Variants in TMEM52B observed in about 807,000 individuals in gnomAD.
The protein encoded by TMEM52B is chromosome 12 open reading frame 59.
In TMEM52B, 11 loss-of-function variants were observed where a neutral mutation model predicts 16.1. That is an observed-to-expected ratio of 0.68 (90% CI 0.43 to 1.13). The LOEUF is 1.13. TMEM52B is among the 50% of genes most tolerant of loss of function. The pLI is 0.00. For synonymous variants in TMEM52B, 101 were observed against 93.8 expected (o/e 1.08, Z -0.45); for missense variants, 243 against 230.4 (o/e 1.05, Z -0.35).
chr12:10,171,346 G>A (rs1000114217), intron 1 of TMEM52B, among the ~76,000 whole-genome samples: 3 of 152,100 alleles, frequency 2.0e-5, no homozygotes, highest in Non-Finnish European at 4.4e-5. Context: ...ATTGTCTGTG[G>A]AATTGGGATT....
upstream of TMEM52B, among the ~76,000 whole-genome samples, chr12:10,178,191 G>C (rs915475163): frequency 2.0e-5 from 3 of 149,866 alleles, no homozygotes; most frequent in South Asian, 4.6e-4. Flanking sequence ...CATGGCACCC[G>C]GCCACATTTG....
chr12:10,176,711 G>T (rs1249058993), upstream of TMEM52B, among the ~76,000 whole-genome samples: 3 of 151,990 alleles, frequency 2.0e-5, no homozygotes, highest in African/African-American at 7.2e-5. Flanking sequence ...AAAATATCAG[G>T]ACTGTTATAT....
intron 1 of TMEM52B, among the ~76,000 whole-genome samples, chr12:10,179,895 C>T (rs932303074): frequency 2.6e-5 from 4 of 152,110 alleles, no homozygotes; most frequent in African/African-American, 4.8e-5. Context: ...TTAGAAGTGC[C>T]GCTGAAGTAT....
chr12:10,181,145 C>G (rs1948817807), intron 1 of TMEM52B, among the ~76,000 whole-genome samples: 1 of 152,008 alleles, frequency 6.6e-6, no homozygotes, highest in Non-Finnish European at 1.5e-5. Context: ...ACTAAAAAAT[C>G]AGGTAGAAGA....
In TMEM52B at chr12:10,190,371, T is replaced by G; in HGVS notation, c.*231T>G. 10 of 506,540 alleles carry G rather than the reference T, an allele frequency of 2.0e-5. No individual in the cohort carries two copies. Among genetic ancestry groups the G allele is most frequent in the East Asian group, 1.5e-4 (4 of 27,136 alleles). 31.4% of individuals were successfully genotyped at this position (506,540 alleles called of 1,614,324 possible). A position where few individuals can be genotyped will look rare whatever the true frequency, so the allele number is the denominator to read the frequency against. ...ATGGCCAAAATCTGCAAGTAATCTC[T>G]AGCCACACTGATTACTACTAAACCA... On this transcript the variant is annotated 3_prime_UTR_variant, in exon 5 of 5. Coordinates refer to ENST00000543484, the MANE Select transcript of TMEM52B (RefSeq NM_001384896.1).
intron 1 of TMEM52B, chr12:10,172,255 A>G (rs1056788334): frequency 1.1e-5 from 6 of 556,840 alleles, no homozygotes; most frequent in Non-Finnish European, 1.6e-5. Context: ...GCTGACGCAA[A>G]TTCTTGAGTT....
intron 2 of TMEM52B, 69 bp downstream of exon 2, chr12:10,182,662 A>C: frequency 4.8e-6 from 7 of 1,458,198 alleles, no homozygotes; most frequent in Non-Finnish European, 5.5e-6. Context: ...AAAGAGAGTC[A>C]AGATGTCATT....
chr12:10,184,171 T>C (rs1479230231), intron 2 of TMEM52B, among the ~76,000 whole-genome samples: 1 of 152,172 alleles, frequency 6.6e-6, no homozygotes, highest in African/African-American at 2.4e-5. Flanking sequence ...GAACAGGCAG[T>C]GGTTTCTGAA....
intron 3 of TMEM52B, 64 bp downstream of exon 3, chr12:10,185,432 C>G (rs1948868736): frequency 1.6e-6 from 2 of 1,214,518 alleles, no homozygotes; most frequent in East Asian, 2.3e-5. Flanking sequence ...AAATGACAAC[C>G]TGCCTACTTA....
At chr12:10,188,320 G>A (rs974468320) in intron 4 of TMEM52B, among the ~76,000 whole-genome samples, 18 of 151,614 alleles carry the variant, frequency 1.2e-4, no homozygotes, top group African/African-American at 2.4e-4. Context: ...TTAGCTGGGC[G>A]TGGTGGCACG....
At chr12:10,189,651 G>A (rs1310900633) in intron 4 of TMEM52B, among the ~76,000 whole-genome samples, 1 of 150,348 alleles carries the variant, frequency 6.7e-6, no homozygotes, top group African/African-American at 2.5e-5. Context: ...AAGAGAGAGA[G>A]AGAGATACAG....
chr12:10,178,211 C>T (rs978821186), upstream of TMEM52B, among the ~76,000 whole-genome samples: 4 of 149,794 alleles, frequency 2.7e-5, no homozygotes, highest in Admixed American at 6.6e-5. Context: ...GTGTCTATAG[C>T]TTTGTTTCAT....
intron 1 of TMEM52B, among the ~76,000 whole-genome samples, chr12:10,171,584 C>T (rs550496511): frequency 1.3e-5 from 2 of 152,234 alleles, no homozygotes; most frequent in African/African-American, 4.8e-5. Context: ...CCGAGCCCTC[C>T]GATGTATAGA....
rs2291481 is a variant in TMEM52B at position 10,179,598 on chromosome 12, G to T, written c.24G>T (p.Val8=). MGVRVHV[V]AASALLYFIL... is the part of the protein sequence containing the mutation. ...CGATGGGAGTCCGAGTTCATGTCGT[G>T]GCGGCCTCAGCCCTGCTGTATTTCA... is the stretch of plus-strand genomic sequence containing the variant. The change falls in exon 1 of 5, where the codon GTG becomes GTT. Residue 8 remains valine (V), a synonymous_variant. Transcript: ENST00000543484. 1.3e-3 allele frequency: 2,039 copies of T among 1,614,202 alleles called. 45 individuals carry two copies. In the East Asian group the frequency reaches 0.037, roughly 29 times the overall value.
At position 10,190,313 on chromosome 12, in the gene TMEM52B, A is replaced by G. The variant is rs1353456650; in HGVS notation, c.*173A>G. 1.4e-5 allele frequency: 12 copies of G among 863,062 alleles called. No homozygotes were observed. Among genetic ancestry groups the G allele is most frequent in the Non-Finnish European group, 1.7e-5 (10 of 580,252 alleles). The allele number at this position is 863,062 out of a possible 1,614,324, so 53.5% of individuals were successfully genotyped here. On this transcript the variant is annotated 3_prime_UTR_variant, in exon 5 of 5. Transcript: ENST00000543484. ...AGGCCTTTATATCTTCCGATACAGAATGCTCTAATTGGGAACTCTAATTTT... is the reference window on the plus strand; with the variant it reads ...AGGCCTTTATATCTTCCGATACAGAGTGCTCTAATTGGGAACTCTAATTTT...
chr12:10,190,074 A>G lies in TMEM52B; in HGVS notation c.486A>G (p.Val162=). 6.2e-7 allele frequency: 1 copy of G among 1,614,176 alleles called. No individual in the cohort carries two copies. The highest frequency in any genetic ancestry group is 8.5e-7 in the Non-Finnish European group (1 of 1,180,030). Reference sequence around the variant, plus strand: ...AGAAAGCACCTGATCTACCCCCAGTACCTGAAGAAAAGCAGCTGCCTCCAA... The same window carrying G: ...AGAAAGCACCTGATCTACCCCCAGTGCCTGAAGAAAAGCAGCTGCCTCCAA... ...CGQKAPDLPP[V]PEEKQLPPTE... The change falls in exon 5 of 5, where the codon GTA becomes GTG. Residue 162 remains valine, a synonymous_variant. Transcript: ENST00000543484.
In TMEM52B at chr12:10,191,793, A is replaced by C. The variant is rs1305479542; in HGVS notation, c.*1653A>C. 1 of 152,204 alleles carries C rather than the reference A, an allele frequency of 6.6e-6. No individual in the cohort carries two copies. Among genetic ancestry groups the C allele is most frequent in the African/African-American group, 2.4e-5 (1 of 41,448 alleles). 9.4% of individuals were successfully genotyped at this position (152,204 alleles called of 1,614,324 possible). On this transcript the variant is annotated 3_prime_UTR_variant, in exon 5 of 5. Transcript: ENST00000543484. Reference sequence around the variant, plus strand: ...CAATAAATACTTGTTGATTGCGGTAAACAGCAACAGATATAAGTGATTCCT... The same window carrying C: ...CAATAAATACTTGTTGATTGCGGTACACAGCAACAGATATAAGTGATTCCT...
chr12:10,186,387 C>T (rs779144886), intron 3 of TMEM52B, 33 bp from the exon 4 acceptor site: 1 of 1,559,580 alleles, frequency 6.4e-7, no homozygotes, highest in Admixed American at 1.8e-5. Context: ...AGCCAGATCC[C>T]AGAGCTCCCA....
rs945086839 is a variant in TMEM52B, at chr12:10,179,367, A to G, written c.-208A>G. ...AGTAATAAGAATAAAGAAGAAAAAC[A>G]GGAAAGAAGAGGGAAAAGCCATAGA... On this transcript the variant is annotated 5_prime_UTR_variant, in exon 1 of 5. Coordinates refer to ENST00000543484, the MANE Select transcript of TMEM52B (RefSeq NM_001384896.1). 6 of 570,316 alleles carry G rather than the reference A, an allele frequency of 1.1e-5. No individual in the cohort carries two copies. The highest frequency in any genetic ancestry group is 3.7e-5 in the African/African-American group (2 of 53,468). The allele number at this position is 570,316 out of a possible 1,614,324, so 35.3% of individuals were successfully genotyped here.
Sources: gnomAD v4.1 joint callset for allele counts (sites outside exome capture counted in the v4.1 genomes callset) on GRCh38, gnomAD v4.1.1 for gene constraint, MANE v1.5 for transcripts, NCBI Gene and HGNC (gene_info 2026-07-23, HGNC 2026-07-21) for gene names.